Variants in TNK2 observed in about 807,000 individuals in gnomAD.
TNK2 encodes tyrosine kinase non receptor 2.
In TNK2, 83 loss-of-function variants were observed where a neutral mutation model predicts 101.8. That is an observed-to-expected ratio of 0.82 (90% CI 0.68 to 0.98). The LOEUF is 0.98. Among genes scored for constraint, TNK2 ranks in the 50% least tolerant of loss-of-function variants. The pLI is 0.00. For synonymous variants in TNK2, 804 were observed against 633.0 expected, an observed-to-expected ratio of 1.27 and a Z score of -4.06; for missense variants, 1,665 against 1,483.2, an observed-to-expected ratio of 1.12 and a Z score of -2.01.
intron 1 of TNK2, chr3:195,895,343 G>C: frequency 6.4e-7 from 1 of 1,562,094 alleles, no homozygotes; most frequent in Non-Finnish European, 8.7e-7. Context: ...GAGAAGCAGC[G>C]CCCGCAGCCC....
At position 195,882,261 on chromosome 3, in the gene TNK2, A is replaced by T; in HGVS notation, c.677T>A (p.Leu226Gln). ...RLRKHQGHFL[L>Q]GTLSRYAVQV... ...CACAGCGTAGCGGCTCAGAGTCCCC[A>T]GGAGGAAGTGGCCCTGGTGCTTACG... The change falls in exon 6 of 16, where the codon CTG becomes CAG. Residue 226 changes from leucine to glutamine, a missense_variant. Transcript: ENST00000672887. The surrounding 1 kb of genome is among the most constrained non-coding windows in gnomAD (Gnocchi z 4.2). 6.2e-7 allele frequency: 1 copy of T among 1,613,676 alleles called. No homozygotes were observed.
intron 1 of TNK2, among the ~76,000 whole-genome samples, chr3:195,897,337 G>A (rs1470436747): frequency 1.3e-5 from 2 of 152,192 alleles, no homozygotes; most frequent in Non-Finnish European, 2.9e-5. Context: ...AAAAGGGAGT[G>A]ATTCAGACAC....
chr3:195,887,757 G>C (rs1024517989), intron 2 of TNK2, among the ~76,000 whole-genome samples: 6 of 147,888 alleles, frequency 4.1e-5, no homozygotes, highest in Non-Finnish European at 8.9e-5. Context: ...GCACACGCGT[G>C]TGCGCACGTG....
intron 1 of TNK2, among the ~76,000 whole-genome samples, chr3:195,898,551 G>C (rs897371002): frequency 2.6e-5 from 4 of 152,140 alleles, no homozygotes; most frequent in Non-Finnish European, 5.9e-5. Flanking sequence ...CTCTCTCTTA[G>C]CATTCCCTTC....
chr3:195,885,897 C>A lies in TNK2; in HGVS notation c.235-864G>T, dbSNP rs187380252. 8.2e-5 allele frequency: 22 copies of A among 268,368 alleles called. No homozygotes were observed. The East Asian group carries it at 1.8e-3, about 21-fold the overall frequency. 16.6% of individuals were successfully genotyped at this position (268,368 alleles called of 1,614,324 possible). A position where few individuals can be genotyped will look rare whatever the true frequency, so the allele number is the denominator to read the frequency against. On this transcript the variant is annotated intron_variant, in intron 3 of 15. Coordinates refer to ENST00000672887, the MANE Select transcript of TNK2 (RefSeq NM_001382273.1). This position sits in a 1 kb window ranked among gnomAD's most constrained non-coding sequence, Gnocchi z 4.7. ...GCTGGTGGATCCTTATCCGTCTGGG[C>A]TAGGGTGCCTCAAATCTGAGGGCCT...
At chr3:195,897,287 A>C (rs1346595076) in intron 1 of TNK2, among the ~76,000 whole-genome samples, 1 of 152,188 alleles carries the variant, frequency 6.6e-6, no homozygotes, top group Non-Finnish European at 1.5e-5. Flanking sequence ...GCCTGACATC[A>C]CACTGGTCTG....
chr3:195,891,161 G>A (rs1165061809), intron 1 of TNK2, among the ~76,000 whole-genome samples: 1 of 152,236 alleles, frequency 6.6e-6, no homozygotes, highest in Non-Finnish European at 1.5e-5. Context: ...GCTCACAGCT[G>A]TAATCCCAGC....
chr3:195,887,953 TGC>T (rs544621920), intron 2 of TNK2, among the ~76,000 whole-genome samples: 1,277 of 77,746 alleles, frequency 0.016, 21 homozygotes, highest in African/African-American at 0.091. Context: ...CGTGTGTGCC[TGC>T]GTGTGTGTGT....
Position 195,879,146 on chromosome 3 carries a change from G to A in TNK2, c.917C>T (p.Thr306Ile), listed in dbSNP as rs1445994216. Reference sequence around the variant, plus strand: ...CCAGGTGTCGCTGGCATGGGAGAAGGTGCGTGTCTTCAGGCTCTCGGGGGC... The same window carrying A: ...CCAGGTGTCGCTGGCATGGGAGAAGATGCGTGTCTTCAGGCTCTCGGGGGC... ...WCAPESLKTR[T>I]FSHASDTWMF... The change falls in exon 7 of 16, where the codon ACC becomes ATC. Residue 306 changes from threonine (T) to isoleucine (I), a missense_variant. By Grantham distance (89) the Thr-to-Ile change is moderately conservative. Coordinates refer to ENST00000672887, the MANE Select transcript of TNK2 (RefSeq NM_001382273.1). 2 of 1,613,796 alleles carry A rather than the reference G, an allele frequency of 1.2e-6. No homozygotes were observed. The highest frequency in any genetic ancestry group is 1.7e-6 in the Non-Finnish European group (2 of 1,179,988).
chr3:195,879,142 G>A lies in TNK2; in HGVS notation c.921C>T (p.Phe307=), dbSNP rs560269399. 3.1e-6 allele frequency: 5 copies of A among 1,613,852 alleles called. No homozygotes were observed. The East Asian group carries it at 6.7e-5, about 22-fold the overall frequency. The change falls in exon 7 of 16, where the codon TTC becomes TTT. Residue 307 remains phenylalanine, a synonymous_variant. Coordinates refer to ENST00000672887, the MANE Select transcript of TNK2 (RefSeq NM_001382273.1). ...ACATCCAGGTGTCGCTGGCATGGGAGAAGGTGCGTGTCTTCAGGCTCTCGG... is the reference window on the plus strand; with the variant it reads ...ACATCCAGGTGTCGCTGGCATGGGAAAAGGTGCGTGTCTTCAGGCTCTCGG... ...CAPESLKTRT[F]SHASDTWMFG... is the part of the protein sequence containing the mutation.
chr3:195,864,257 T>C (rs1739049717), intron 15 of TNK2, 70 bp from the exon 16 acceptor site: 2 of 1,585,300 alleles, frequency 1.3e-6, no homozygotes, highest in Non-Finnish European at 1.7e-6. Flanking sequence ...GCACCGGGGG[T>C]CACACTGGTG....
At chr3:195,873,976 G>A (rs915282002) in intron 9 of TNK2, among the ~76,000 whole-genome samples, 1 of 152,138 alleles carries the variant, frequency 6.6e-6, no homozygotes, top group Non-Finnish European at 1.5e-5. Context: ...ACAGTACCCC[G>A]AGACGAGACG....
rs1756996607 is a variant in TNK2 at position 195,888,279 on chromosome 3, T to C, written c.163+147A>G. ...CCTTTATAACTGCCAACTGTTCTCA[T>C]CACACATCAGCACCTACTGATGTCC... On this transcript the variant is annotated intron_variant, in intron 2 of 15. Transcript: ENST00000672887. This position sits in a 1 kb window ranked among gnomAD's most constrained non-coding sequence, Gnocchi z 5.3. 1.2e-6 allele frequency: 1 copy of C among 801,478 alleles called. No homozygotes were observed. Among genetic ancestry groups the C allele is most frequent in the Non-Finnish European group, 2.0e-6 (1 of 510,826 alleles). The allele number at this position is 801,478 out of a possible 1,614,324, so 49.6% of individuals were successfully genotyped here. A position where few individuals can be genotyped will look rare whatever the true frequency, so the allele number is the denominator to read the frequency against.
intron 4 of TNK2, 103 bp downstream of exon 4, chr3:195,884,709 G>C (rs1227400029): frequency 1.9e-6 from 2 of 1,056,472 alleles, no homozygotes; most frequent in Non-Finnish European, 2.7e-6. Flanking sequence ...GCCACACTGT[G>C]ACGCATCCCC....
rs754511166 is a variant in TNK2 at position 195,884,886 on chromosome 3, G to A, written c.382C>T (p.Leu128Phe). Residue 128 changes from leucine to phenylalanine, a missense_variant, in exon 4 of 16, where the codon CTC becomes TTC. Physicochemically the swap from Leu to Phe is conservative, Grantham distance 22. Coordinates refer to ENST00000672887, the MANE Select transcript of TNK2 (RefSeq NM_001382273.1). ...TCLIGEKDLR[L>F]LEKLGDGSFG... is the part of the protein sequence containing the mutation. Reference sequence around the variant, plus strand: ...GAACCATCACCCAGCTTCTCCAGGAGGCGCAGGTCCTTCTCCCCAATGAGG... The same window carrying A: ...GAACCATCACCCAGCTTCTCCAGGAAGCGCAGGTCCTTCTCCCCAATGAGG... 3 of 1,614,024 alleles carry A rather than the reference G, an allele frequency of 1.9e-6. No individual in the cohort carries two copies. Among genetic ancestry groups the A allele is most frequent in the Non-Finnish European group, 2.5e-6 (3 of 1,180,016 alleles).
chr3:195,907,456 G>A (rs1761852992), intron 1 of TNK2, among the ~76,000 whole-genome samples: 1 of 152,232 alleles, frequency 6.6e-6, no homozygotes, highest in African/African-American at 2.4e-5. Context: ...GGCTGGGGCA[G>A]AGGAGGGTCC....
chr3:195,899,058 T>C (rs901345497), intron 1 of TNK2, among the ~76,000 whole-genome samples: 1 of 151,978 alleles, frequency 6.6e-6, no homozygotes, highest in African/African-American at 2.4e-5. Context: ...ATCGTACCAC[T>C]GCACTCCAGC....
At position 195,868,354 on chromosome 3, in the gene TNK2, G is replaced by A. The variant is rs372743915; in HGVS notation, c.1944C>T (p.Pro648=). The A allele has an allele frequency of 9.9e-5, 158 of 1,598,868 alleles. No individual in the cohort carries two copies. Among genetic ancestry groups the A allele is most frequent in the South Asian group, 2.8e-4 (25 of 90,814 alleles). ...DWDARPLPPP[P]AYDDVAQDED... ...CATCCTGGGCCACGTCGTCATAGGC[G>A]GGCGGGGGGGGCAGCGGGCGTGCGT... Residue 648 remains proline (P), a synonymous_variant, in exon 13 of 16, where the codon CCC becomes CCT. Transcript: ENST00000672887.
chr3:195,876,536 C>T, intron 9 of TNK2: 1 of 456,762 alleles, frequency 2.2e-6, no homozygotes, highest in South Asian at 1.5e-5. Flanking sequence ...CAGAGTCAAG[C>T]TCTGCCACCA....
Sources: gnomAD v4.1 joint callset for allele counts (sites outside exome capture counted in the v4.1 genomes callset) on GRCh38, gnomAD v4.1.1 for gene constraint, Gnocchi (gnomAD v3.1) non-coding constraint, MANE v1.5 for transcripts, NCBI Gene and HGNC (gene_info 2026-07-23, HGNC 2026-07-21) for gene names.